PPP3CA: variants seen among roughly 807,000 people sequenced by gnomAD.
PPP3CA encodes protein phosphatase 3 catalytic subunit alpha, also known as CAM-PRP catalytic subunit.
In PPP3CA, 14 loss-of-function variants were observed where a neutral mutation model predicts 66.5. That is an observed-to-expected ratio of 0.21 (90% confidence interval 0.14 to 0.33). PPP3CA has a LOEUF of 0.33. Ranked by LOEUF, PPP3CA falls within the 10% of genes least tolerant of loss-of-function variation. PPP3CA has a pLI of 1.00. For synonymous variants in PPP3CA, 232 were observed against 226.2 expected, an observed-to-expected ratio of 1.03 and a Z score of -0.23; for missense variants, 317 against 639.5, an observed-to-expected ratio of 0.50 and a Z score of 5.44.
chr4:101,271,552 C>G (rs927751194), intron 1 of PPP3CA, among the ~76,000 whole-genome samples: 1 of 152,140 alleles, frequency 6.6e-6, no homozygotes, highest in Non-Finnish European at 1.5e-5. Context: ...AATAAAAAAG[C>G]ATAATTAAGG....
chr4:101,134,342 C>G (rs1022084510), intron 2 of PPP3CA, among the ~76,000 whole-genome samples: 2 of 152,144 alleles, frequency 1.3e-5, no homozygotes, highest in Non-Finnish European at 2.9e-5. Flanking sequence ...ATCTGTCCAT[C>G]TGACAAAGGG....
At chr4:101,169,332 G>A (rs1479414417) in intron 2 of PPP3CA, among the ~76,000 whole-genome samples, 2 of 152,154 alleles carry the variant, frequency 1.3e-5, no homozygotes, top group East Asian at 3.9e-4. Context: ...TCAGTCAGCA[G>A]CAAAGACAAG....
At chr4:101,066,993 TACTGGCAATTCC>T (rs1728709072) in intron 8 of PPP3CA, among the ~76,000 whole-genome samples, 1 of 152,200 alleles carries the variant, frequency 6.6e-6, no homozygotes, top group Admixed American at 6.5e-5. Context: ...TCCTTTATTC[TACTGGCAATTCC>T]ACATGACCTC....
chr4:101,172,455 G>A (rs1212491077), intron 2 of PPP3CA, among the ~76,000 whole-genome samples: 1 of 152,036 alleles, frequency 6.6e-6, no homozygotes, highest in African/African-American at 2.4e-5. Flanking sequence ...AGGTTATTTA[G>A]GACCTTAATT....
At chr4:101,131,307 G>T (rs1425549377) in intron 2 of PPP3CA, among the ~76,000 whole-genome samples, 1 of 150,718 alleles carries the variant, frequency 6.6e-6, no homozygotes, top group Non-Finnish European at 1.5e-5. Flanking sequence ...TGGCAAATGG[G>T]ATACAGAGTC....
chr4:101,300,374 C>G (rs1728337000), intron 1 of PPP3CA, among the ~76,000 whole-genome samples: 1 of 152,202 alleles, frequency 6.6e-6, no homozygotes, highest in South Asian at 2.1e-4. Flanking sequence ...CTTGGGTATT[C>G]CTAACACATA....
intron 1 of PPP3CA, among the ~76,000 whole-genome samples, chr4:101,244,246 C>A (rs1028410061): frequency 1.3e-5 from 2 of 152,152 alleles, no homozygotes; most frequent in South Asian, 2.1e-4. Flanking sequence ...GACCAACCTC[C>A]AATAATATGC....
At chr4:101,090,906 CTATAT>C (rs943098328) in intron 6 of PPP3CA, among the ~76,000 whole-genome samples, 1 of 104,672 alleles carries the variant, frequency 9.6e-6, no homozygotes, top group African/African-American at 4.9e-5. Flanking sequence ...ATATCTGTGT[CTATAT>C]TATAATATAC....
At chr4:101,059,673 C>A (rs1225018696) in intron 10 of PPP3CA, among the ~76,000 whole-genome samples, 2 of 152,084 alleles carry the variant, frequency 1.3e-5, no homozygotes, top group African/African-American at 4.8e-5. Flanking sequence ...TACTGAACTG[C>A]AGTTTTTAAA....
chr4:101,193,674 T>C (rs1724690373), intron 2 of PPP3CA, among the ~76,000 whole-genome samples: 1 of 152,212 alleles, frequency 6.6e-6, no homozygotes, highest in African/African-American at 2.4e-5. Flanking sequence ...CTGGTCCTTC[T>C]GACTTCTCCA....
At chr4:101,295,286 T>C (rs956013519) in intron 1 of PPP3CA, among the ~76,000 whole-genome samples, 1 of 121,698 alleles carries the variant, frequency 8.2e-6, no homozygotes, top group African/African-American at 3.3e-5. Context: ...CCGGCCTGGG[T>C]GACAGAGCGA....
chr4:101,276,190 T>C (rs1280408679), intron 1 of PPP3CA, among the ~76,000 whole-genome samples: 1 of 152,170 alleles, frequency 6.6e-6, no homozygotes, highest in East Asian at 1.9e-4. Context: ...TCACCGCTCC[T>C]GGCCTTATCA....
chr4:101,095,834 T>C (rs1018979765), intron 5 of PPP3CA, among the ~76,000 whole-genome samples: 3 of 151,980 alleles, frequency 2.0e-5, no homozygotes, highest in Non-Finnish European at 4.4e-5. Context: ...GTATTTTCAG[T>C]AGAGATGGGG....
chr4:101,139,696 GT>G (rs372257350), intron 2 of PPP3CA, among the ~76,000 whole-genome samples: 4,079 of 98,416 alleles, frequency 0.041, 76 homozygotes, highest in African/African-American at 0.096. Context: ...TTTTTTTTGT[GT>G]TTTTTTTTTT....
In PPP3CA at chr4:101,089,146, CA is replaced by C. The variant is rs542675884; in HGVS notation, c.782+4629del. 9.9e-4 allele frequency among the ~76,000 whole-genome samples: 151 copies of C among 152,080 alleles called. 1 individual carries two copies. Among genetic ancestry groups the C allele is most frequent in the African/African-American group, 3.3e-3 (136 of 41,482 alleles). On this transcript the variant is annotated intron_variant, in intron 6 of 13. Coordinates refer to ENST00000394854, the MANE Select transcript of PPP3CA (RefSeq NM_000944.5). Reference sequence around the variant, plus strand: ...AGATGAAGCGGGCTAGACATAGATTCAGGAACTGGCCATAGAGTTTACAGTT... The same window carrying C: ...AGATGAAGCGGGCTAGACATAGATTCGGAACTGGCCATAGAGTTTACAGTT...
Position 101,235,407 on chromosome 4 carries a change from C to T in PPP3CA, c.59-39291G>A, listed in dbSNP as rs112009528. Among the ~76,000 whole-genome samples the T allele has an allele frequency of 1.2e-3, 177 of 143,558 alleles. 1 individual carries two copies. The highest frequency in any genetic ancestry group is 0.01 in the South Asian group (45 of 4,500). The allele number at this position is 143,558 out of a possible 152,430, so 94.2% of individuals were successfully genotyped here. Reference sequence around the variant, plus strand: ...GCTACCAGACCTATATGAGCATAAACAATATCAGAACCTAAACATACACTC... The same window carrying T: ...GCTACCAGACCTATATGAGCATAAATAATATCAGAACCTAAACATACACTC... On this transcript the variant is annotated intron_variant, in intron 1 of 13. Coordinates refer to ENST00000394854, the MANE Select transcript of PPP3CA (RefSeq NM_000944.5).
At chr4:101,309,680 C>A (rs145526519) in intron 1 of PPP3CA, among the ~76,000 whole-genome samples, 2 of 152,064 alleles carry the variant, frequency 1.3e-5, no homozygotes, top group African/African-American at 4.8e-5. Flanking sequence ...TCCAATTATA[C>A]GTTTTTTTAA....
chr4:101,073,776 G>T (rs1423347656), intron 8 of PPP3CA, among the ~76,000 whole-genome samples: 5 of 152,118 alleles, frequency 3.3e-5, no homozygotes, highest in Admixed American at 3.3e-4. Flanking sequence ...GAATGAATTA[G>T]GGGTTGGGGG....
In PPP3CA at chr4:101,291,876, C is replaced by T. The variant is rs530535908; in HGVS notation, c.58+54863G>A. ...AGTCACAGTGGCTCACACCTGTAAT[C>T]CTAACACTTTAGGAGGCCGAGGTGG... On this transcript the variant is annotated intron_variant, in intron 1 of 13. Coordinates refer to ENST00000394854, the MANE Select transcript of PPP3CA (RefSeq NM_000944.5). Among the ~76,000 whole-genome samples the T allele has an allele frequency of 7.2e-5, 11 of 152,232 alleles. No individual in the cohort carries two copies. The South Asian group carries it at 2.3e-3, about 32-fold the overall frequency.
Sources: gnomAD v4.1 joint callset for allele counts (sites outside exome capture counted in the v4.1 genomes callset) on GRCh38, gnomAD v4.1.1 for gene constraint, MANE v1.5 for transcripts, NCBI Gene and HGNC (gene_info 2026-07-23, HGNC 2026-07-21) for gene names.